Variants in GRIN2A observed in about 807,000 individuals in gnomAD.
GRIN2A encodes glutamate ionotropic receptor NMDA type subunit 2A.
In GRIN2A, 22 loss-of-function variants were observed where a neutral mutation model predicts 113.4. The observed-to-expected ratio is 0.19, with a 90% CI of 0.14 to 0.28. The LOEUF is 0.28. GRIN2A is among the 10% of genes least tolerant of loss of function. The probability of loss-of-function intolerance (pLI) is 1.00; values close to 1 mark genes in which losing one functional copy is unlikely to be tolerated. For synonymous variants in GRIN2A, 827 were observed against 738.4 expected, an observed-to-expected ratio of 1.12 and a Z score of -1.94; for missense variants, 1,502 against 1,887.0, an observed-to-expected ratio of 0.80 and a Z score of 3.78.
At chr16:9,892,247 C>CA (rs201237892) in intron 3 of GRIN2A, among the ~76,000 whole-genome samples, 1,668 of 151,614 alleles carry the variant, frequency 0.011, 35 homozygotes, top group African/African-American at 0.039. Context: ...AACAAACAAA[C>CA]AAAAAAAACT....
chr16:9,931,064 A>T (rs2044581372), intron 3 of GRIN2A, among the ~76,000 whole-genome samples: 1 of 152,104 alleles, frequency 6.6e-6, no homozygotes, highest in Non-Finnish European at 1.5e-5. Context: ...TTCAATACTA[A>T]TTCATAACTC....
intron 5 of GRIN2A, among the ~76,000 whole-genome samples, chr16:9,847,063 G>A (rs1291367414): frequency 6.6e-6 from 1 of 152,144 alleles, no homozygotes; most frequent in Non-Finnish European, 1.5e-5. Context: ...GCTGAGCTGA[G>A]AAACTGCCAG....
At chr16:10,096,998 G>T (rs577730617) in intron 2 of GRIN2A, among the ~76,000 whole-genome samples, 1 of 152,314 alleles carries the variant, frequency 6.6e-6, no homozygotes, top group South Asian at 2.1e-4. Context: ...GGTACAAGGA[G>T]ACTGAATTAA....
intron 2 of GRIN2A, among the ~76,000 whole-genome samples, chr16:10,127,129 A>C (rs1209108045): frequency 2.0e-5 from 3 of 152,124 alleles, no homozygotes; most frequent in Non-Finnish European, 4.4e-5. Flanking sequence ...TTCAAAATCC[A>C]CTTGCCTTGG....
intron 2 of GRIN2A, among the ~76,000 whole-genome samples, chr16:10,174,110 G>C (rs1195369038): frequency 6.6e-6 from 1 of 152,196 alleles, no homozygotes; most frequent in Non-Finnish European, 1.5e-5. Context: ...TCCAATATGA[G>C]CCATGAGAAC....
At chr16:9,834,007 A>G in intron 8 of GRIN2A, 98 bp downstream of exon 8, 1 of 1,224,704 alleles carries the variant, frequency 8.2e-7, no homozygotes. Flanking sequence ...GTGAGCCACC[A>G]TGCCTGGTCT....
intron 2 of GRIN2A, among the ~76,000 whole-genome samples, chr16:10,104,471 A>C (rs760901148): frequency 1.6e-4 from 24 of 152,214 alleles, no homozygotes; most frequent in Non-Finnish European, 3.1e-4. Flanking sequence ...TGAATGACTT[A>C]ATAATCAGTA....
intron 3 of GRIN2A, among the ~76,000 whole-genome samples, chr16:9,898,919 C>G (rs1306299955): frequency 6.6e-6 from 1 of 151,224 alleles, no homozygotes; most frequent in Admixed American, 6.6e-5. Context: ...GCAAATGAAT[C>G]CTCATCCCTC....
At chr16:10,112,759 T>G in intron 2 of GRIN2A, 1 of 714,364 alleles carries the variant, frequency 1.4e-6, no homozygotes. Flanking sequence ...CCCTACCTCA[T>G]AGCGAGTAAC....
intron 3 of GRIN2A, among the ~76,000 whole-genome samples, chr16:9,911,314 C>T (rs1440022857): frequency 2.6e-5 from 4 of 152,054 alleles, no homozygotes; most frequent in Non-Finnish European, 5.9e-5. Context: ...TAGAGAGATG[C>T]TCGTCTCTAA....
At chr16:10,110,446 A>T (rs2048591040) in intron 2 of GRIN2A, among the ~76,000 whole-genome samples, 1 of 152,332 alleles carries the variant, frequency 6.6e-6, no homozygotes, top group African/African-American at 2.4e-5. Context: ...TTTAATAAAG[A>T]TTTCTTAACA....
At chr16:9,898,447 G>A (rs1596555520) in intron 3 of GRIN2A, among the ~76,000 whole-genome samples, 1 of 152,048 alleles carries the variant, frequency 6.6e-6, no homozygotes, top group East Asian at 1.9e-4. Context: ...TCGTCTTATA[G>A]TCATAAGTCT....
intron 2 of GRIN2A, among the ~76,000 whole-genome samples, chr16:9,999,096 C>T (rs938995159): frequency 1.3e-5 from 2 of 152,154 alleles, no homozygotes; most frequent in South Asian, 4.1e-4. Context: ...CCAAACAGCA[C>T]AGAAACTTAC....
At chr16:10,103,646 AAG>A (rs900355478) in intron 2 of GRIN2A, among the ~76,000 whole-genome samples, 15 of 152,318 alleles carry the variant, frequency 9.8e-5, no homozygotes, top group African/African-American at 2.6e-4. Flanking sequence ...TCTACAAAAC[AAG>A]AGAGTCCATA....
At chr16:10,053,140 G>C (rs1380433296) in intron 2 of GRIN2A, among the ~76,000 whole-genome samples, 1 of 152,080 alleles carries the variant, frequency 6.6e-6, no homozygotes, top group East Asian at 1.9e-4. Flanking sequence ...CCACTGTTCA[G>C]GGCCACAACA....
At chr16:9,876,580 C>G (rs1050444912) in intron 4 of GRIN2A, among the ~76,000 whole-genome samples, 7 of 152,138 alleles carry the variant, frequency 4.6e-5, no homozygotes, top group African/African-American at 1.7e-4. Flanking sequence ...CCCCCACAGC[C>G]TGGTGTTGGG....
At chr16:9,894,363 G>A (rs2043760463) in intron 3 of GRIN2A, among the ~76,000 whole-genome samples, 1 of 152,260 alleles carries the variant, frequency 6.6e-6, no homozygotes, top group South Asian at 2.1e-4. Flanking sequence ...CAGCCAATAG[G>A]GGCAGAAGTG....
intron 4 of GRIN2A, among the ~76,000 whole-genome samples, chr16:9,852,436 C>A (rs778138192): frequency 2.0e-5 from 3 of 152,190 alleles, no homozygotes; most frequent in Non-Finnish European, 2.9e-5. Context: ...CCATGGGAGT[C>A]AGGCAAAAGT....
intron 7 of GRIN2A, among the ~76,000 whole-genome samples, chr16:9,837,981 A>G (rs906880053): frequency 3.9e-5 from 6 of 152,230 alleles, no homozygotes; most frequent in Non-Finnish European, 8.8e-5. Context: ...CAGTAAATCC[A>G]TAGCGCTCTG....
Sources: allele counts gnomAD v4.1 joint callset (sites outside exome capture counted in the v4.1 genomes callset), GRCh38; gene constraint gnomAD v4.1.1; transcripts MANE v1.5; gene names NCBI Gene and HGNC (gene_info 2026-07-23, HGNC 2026-07-21).